Variants in SPPL3 observed in about 807,000 individuals in gnomAD.
SPPL3 encodes signal peptide peptidase-like 3.
In SPPL3, 5 loss-of-function variants were observed where a neutral mutation model predicts 42.4. The ratio of observed to expected loss-of-function variants is 0.12; its 90% confidence interval spans 0.06 to 0.25. The LOEUF (loss-of-function observed/expected upper bound fraction) is 0.25. SPPL3 is among the 10% of genes least tolerant of loss of function. The pLI is 1.00. For synonymous variants in SPPL3, 195 were observed against 181.8 expected, an observed-to-expected ratio of 1.07 and a Z score of -0.58; for missense variants, 235 against 489.0, an observed-to-expected ratio of 0.48 and a Z score of 4.90.
chr12:120,791,380 G>T, intron 3 of SPPL3, 89 bp downstream of exon 3: 1 of 856,768 alleles, frequency 1.2e-6, no homozygotes, highest in South Asian at 1.7e-5. Context: ...ATAAATCCTT[G>T]AACCCAGTAA....
chr12:120,870,468 G>A (rs958564396), intron 1 of SPPL3, among the ~76,000 whole-genome samples: 1 of 151,914 alleles, frequency 6.6e-6, no homozygotes, highest in Non-Finnish European at 1.5e-5. Context: ...AAGATACAAA[G>A]ATAAATGCAA....
At chr12:120,778,630 G>A (rs183391918) in intron 6 of SPPL3, among the ~76,000 whole-genome samples, 26 of 152,236 alleles carry the variant, frequency 1.7e-4, no homozygotes, top group Non-Finnish European at 3.4e-4. Flanking sequence ...TTTAACAAAT[G>A]TATTTTAAAA....
chr12:120,807,432 T>C (rs1870536019), intron 2 of SPPL3, among the ~76,000 whole-genome samples: 1 of 151,744 alleles, frequency 6.6e-6, no homozygotes, highest in South Asian at 2.1e-4. Flanking sequence ...TCCCAGCACT[T>C]TGGGAGGCCG....
chr12:120,896,650 G>A (rs1268904057), intron 1 of SPPL3, among the ~76,000 whole-genome samples: 1 of 152,034 alleles, frequency 6.6e-6, no homozygotes, highest in East Asian at 1.9e-4. Context: ...ATGGTGGTGT[G>A]CACCTGTAAT....
intron 1 of SPPL3, among the ~76,000 whole-genome samples, chr12:120,871,676 C>T (rs1872936526): frequency 6.6e-6 from 1 of 152,066 alleles, no homozygotes; most frequent in African/African-American, 2.4e-5. Context: ...TCACTTGAAC[C>T]TGCAAGGCGG....
At chr12:120,833,170 G>GT (rs948900435) in intron 1 of SPPL3, among the ~76,000 whole-genome samples, 4 of 152,152 alleles carry the variant, frequency 2.6e-5, no homozygotes, top group Non-Finnish European at 4.4e-5. Flanking sequence ...ATCTGAAAAT[G>GT]TGAGATCCAT....
chr12:120,870,524 G>A (rs975185974), intron 1 of SPPL3, among the ~76,000 whole-genome samples: 13 of 152,138 alleles, frequency 8.5e-5, no homozygotes, highest in African/African-American at 3.1e-4. Flanking sequence ...AGAGATGTCT[G>A]TACAGCAATG....
intron 1 of SPPL3, among the ~76,000 whole-genome samples, chr12:120,832,868 G>C (rs1871474106): frequency 6.6e-6 from 1 of 152,146 alleles, no homozygotes; most frequent in Non-Finnish European, 1.5e-5. Context: ...CAACCAGTGT[G>C]TTAGACAAAT....
chr12:120,786,860 A>C (rs1378174068), intron 3 of SPPL3, among the ~76,000 whole-genome samples: 1 of 152,230 alleles, frequency 6.6e-6, no homozygotes, highest in African/African-American at 2.4e-5. Flanking sequence ...ACTTAAAAAC[A>C]AAGCAAAACT....
intron 1 of SPPL3, among the ~76,000 whole-genome samples, chr12:120,854,509 C>T (rs1256340991): frequency 6.6e-6 from 1 of 152,152 alleles, no homozygotes; most frequent in Non-Finnish European, 1.5e-5. Context: ...CTTCCTTTTG[C>T]AACAGCTACA....
At chr12:120,876,542 G>A (rs1264655233) in intron 1 of SPPL3, among the ~76,000 whole-genome samples, 2 of 144,744 alleles carry the variant, frequency 1.4e-5, no homozygotes, top group Non-Finnish European at 3.0e-5. Context: ...GCGTGAACCT[G>A]GGAGGCAGAG....
At chr12:120,811,679 C>T (rs1399564276) in intron 1 of SPPL3, among the ~76,000 whole-genome samples, 1 of 152,172 alleles carries the variant, frequency 6.6e-6, no homozygotes, top group Non-Finnish European at 1.5e-5. Flanking sequence ...CAAATCTTAG[C>T]AGGCTTTTTG....
chr12:120,781,208 T>C (rs1485122390), intron 6 of SPPL3, among the ~76,000 whole-genome samples: 1 of 152,168 alleles, frequency 6.6e-6, no homozygotes, highest in Non-Finnish European at 1.5e-5. Context: ...TTCATCCTTA[T>C]CATCAATGAA....
At chr12:120,858,411 G>A (rs1450247117) in intron 1 of SPPL3, among the ~76,000 whole-genome samples, 1 of 150,054 alleles carries the variant, frequency 6.7e-6, no homozygotes, top group Middle Eastern at 3.3e-3. Flanking sequence ...AGCCAAGATC[G>A]CAACATTGCA....
chr12:120,773,824 G>A (rs1337262963), intron 6 of SPPL3, among the ~76,000 whole-genome samples: 1 of 152,156 alleles, frequency 6.6e-6, no homozygotes, highest in Non-Finnish European at 1.5e-5. Flanking sequence ...GGCTGGTCTT[G>A]AACTACTAAC....
intron 9 of SPPL3, among the ~76,000 whole-genome samples, 179 bp downstream of exon 9, chr12:120,767,215 G>A (rs1868945849): frequency 6.6e-6 from 1 of 152,178 alleles, no homozygotes; most frequent in African/African-American, 2.4e-5. Flanking sequence ...GCTGGAGAGG[G>A]AACTGGCCTA....
chr12:120,827,237 A>G (rs1871253653), intron 1 of SPPL3, among the ~76,000 whole-genome samples: 1 of 151,778 alleles, frequency 6.6e-6, no homozygotes, highest in African/African-American at 2.4e-5. Flanking sequence ...ACAGGGAAGT[A>G]GTTCTTTAAA....
At chr12:120,844,395 C>A (rs995089775) in intron 1 of SPPL3, among the ~76,000 whole-genome samples, 1 of 152,156 alleles carries the variant, frequency 6.6e-6, no homozygotes, top group Non-Finnish European at 1.5e-5. Flanking sequence ...CCACACACAA[C>A]CAATTCTTTA....
intron 1 of SPPL3, among the ~76,000 whole-genome samples, chr12:120,851,697 C>T (rs575106571): frequency 7.2e-5 from 11 of 152,208 alleles, no homozygotes; most frequent in African/African-American, 2.4e-4. Context: ...TTGACCTCCC[C>T]GGGTCAGGTG....
Sources: gnomAD v4.1 joint callset for allele counts (sites outside exome capture counted in the v4.1 genomes callset) on GRCh38, gnomAD v4.1.1 for gene constraint, MANE v1.5 for transcripts, NCBI Gene and HGNC (gene_info 2026-07-23, HGNC 2026-07-21) for gene names.